Variants in DGKI observed in about 807,000 individuals in gnomAD.
DGKI encodes the protein diacylglycerol kinase iota.
Under a neutral mutation model 147.5 loss-of-function variants are expected in DGKI, and 55 were observed. That is an observed-to-expected ratio of 0.37 (90% CI 0.30 to 0.47). The LOEUF is 0.47. Among genes scored for constraint, DGKI ranks in the 20% least tolerant of loss-of-function variants. DGKI has a pLI of 1.00. For missense variants in DGKI, 1,007 were observed against 1,323.8 expected, an observed-to-expected ratio of 0.76 and a Z score of 3.71; for synonymous variants, 469 against 477.1, an observed-to-expected ratio of 0.98 and a Z score of 0.22.
intron 20 of DGKI, among the ~76,000 whole-genome samples, chr7:137,527,140 C>A (rs1369044640): frequency 6.6e-6 from 1 of 152,120 alleles, no homozygotes; most frequent in Non-Finnish European, 1.5e-5. Flanking sequence ...ATTTTGTGAT[C>A]TGAAAATGGG....
intron 21 of DGKI, 136 bp downstream of exon 21, chr7:137,521,730 T>G: frequency 3.0e-6 from 2 of 657,136 alleles, no homozygotes; most frequent in South Asian, 3.5e-5. Context: ...AGCCCACATG[T>G]TACTGTGTTT....
intron 30 of DGKI, among the ~76,000 whole-genome samples, chr7:137,400,578 G>C (rs1310203190): frequency 6.6e-6 from 1 of 152,176 alleles, no homozygotes; most frequent in Non-Finnish European, 1.5e-5. Context: ...TTTCTGACCA[G>C]AGTCACTACC....
At chr7:137,421,564 TCAAAA>T (rs1468634921) in intron 28 of DGKI, among the ~76,000 whole-genome samples, 1 of 152,224 alleles carries the variant, frequency 6.6e-6, no homozygotes, top group Non-Finnish European at 1.5e-5. Context: ...TGCACTCCCT[TCAAAA>T]GCAGTTCGTT....
At position 137,519,799 on chromosome 7, in the gene DGKI, C is replaced by T. The variant is rs73449406; in HGVS notation, c.2248+2067G>A. ...TCCTGAAAAACCACAGTTAGAAGCA[C>T]CATCACCGCATATTAAAAGTAGAAT... On this transcript the variant is annotated intron_variant, in intron 21 of 32. Transcript: ENST00000614521. Among the ~76,000 whole-genome samples the T allele has an allele frequency of 5.0e-3, 764 of 152,094 alleles. 3 individuals carry two copies. The highest frequency in any genetic ancestry group is 0.018 in the African/African-American group (736 of 41,498).
In DGKI at chr7:137,645,518, C is replaced by A; in HGVS notation, c.758G>T (p.Trp253Leu). The change falls in exon 6 of 33, where the codon TGG becomes TTG. Residue 253 changes from tryptophan (W) to leucine (L), a missense_variant. Trp to Leu is a moderately conservative substitution (Grantham distance 61). This residue lies in a region of DGKI where 259 missense variants were observed against 362.5 expected (regional missense o/e 0.71). Coordinates refer to ENST00000614521, the MANE Select transcript of DGKI (RefSeq NM_001321708.2). ...CCCCTCCTGCCGACGCCTGTGCACCCAGTGATGACGTACAAAATTCTGTGG... is the reference window on the plus strand; with the variant it reads ...CCCCTCCTGCCGACGCCTGTGCACCAAGTGATGACGTACAAAATTCTGTGG... The part of the protein sequence containing the change: ...SPRENFVRHH[W>L]VHRRRQEGKC... 1 of 1,612,550 alleles carries A rather than the reference C, an allele frequency of 6.2e-7. No homozygotes were observed. The highest frequency in any genetic ancestry group is 8.5e-7 in the Non-Finnish European group (1 of 1,179,190).
chr7:137,636,434 C>G (rs1421546896), intron 6 of DGKI, among the ~76,000 whole-genome samples: 1 of 152,166 alleles, frequency 6.6e-6, no homozygotes, highest in East Asian at 1.9e-4. Context: ...AAGAGCTGCT[C>G]TAAAAATGTA....
At chr7:137,803,909 A>C (rs762320418) in intron 1 of DGKI, among the ~76,000 whole-genome samples, 3 of 152,176 alleles carry the variant, frequency 2.0e-5, no homozygotes, top group African/African-American at 7.2e-5. Context: ...TAGATTCGTG[A>C]GGTAAATAGT....
At chr7:137,684,191 G>A (rs868069480) in intron 2 of DGKI, among the ~76,000 whole-genome samples, 2 of 152,202 alleles carry the variant, frequency 1.3e-5, no homozygotes, top group Non-Finnish European at 2.9e-5. Context: ...TTAGATTTGT[G>A]CTGTACAATA....
At position 137,447,859 on chromosome 7, in the gene DGKI, A is replaced by C. The variant is rs375233926; in HGVS notation, c.2736-3757T>G. Among the ~76,000 whole-genome samples, 23 of 152,356 alleles carry C rather than the reference A, an allele frequency of 1.5e-4. No homozygotes were observed. The South Asian group carries it at 4.4e-3, about 29-fold the overall frequency. ...TTAAAAGGCAGAGCTCAAGTTAAAGACTATGACTGAAAAACTTCCATGTTA... is the reference window on the plus strand; with the variant it reads ...TTAAAAGGCAGAGCTCAAGTTAAAGCCTATGACTGAAAAACTTCCATGTTA... On this transcript the variant is annotated intron_variant, in intron 27 of 32. Coordinates refer to ENST00000614521, the MANE Select transcript of DGKI (RefSeq NM_001321708.2).
intron 21 of DGKI, among the ~76,000 whole-genome samples, chr7:137,497,062 A>T (rs1032723821): frequency 2.0e-5 from 3 of 152,090 alleles, no homozygotes; most frequent in Non-Finnish European, 4.4e-5. Context: ...AATGCATCTG[A>T]CAAACGTGTA....
At chr7:137,531,225 T>C (rs543942752) in intron 20 of DGKI, among the ~76,000 whole-genome samples, 3 of 152,140 alleles carry the variant, frequency 2.0e-5, no homozygotes, top group Admixed American at 6.6e-5. Context: ...ACTGTTGAGA[T>C]GAAGAAAAAT....
At chr7:137,576,833 T>C (rs1818997430) in intron 17 of DGKI, among the ~76,000 whole-genome samples, 1 of 152,232 alleles carries the variant, frequency 6.6e-6, no homozygotes, top group African/African-American at 2.4e-5. Context: ...TACCGATTTA[T>C]GCTTCAAGAC....
chr7:137,734,880 G>C lies in DGKI; in HGVS notation c.402-44878C>G, dbSNP rs547419490. Among the ~76,000 whole-genome samples the C allele has an allele frequency of 5.9e-5, 9 of 152,220 alleles. No homozygotes were observed. In the South Asian group the frequency reaches 6.2e-4, roughly 11 times the overall value. ...TGACCTTTAAAGTGCCTGGCACAGA[G>C]TGCGTGATCAATAAATATTTGTCAA... On this transcript the variant is annotated intron_variant, in intron 1 of 32. Coordinates refer to ENST00000614521, the MANE Select transcript of DGKI (RefSeq NM_001321708.2).
intron 24 of DGKI, among the ~76,000 whole-genome samples, chr7:137,467,875 T>G (rs1814720303): frequency 6.6e-6 from 1 of 151,650 alleles, no homozygotes; most frequent in Non-Finnish European, 1.5e-5. Context: ...TCCCAGCTAC[T>G]TGGGAGGCTG....
rs1811164842 is a variant in DGKI at position 137,385,914 on chromosome 7, C to A, written c.*5306G>T. Reference sequence around the variant, plus strand: ...TGTCTTTTCTTCTAGATGCCAGCTTCATGAAATCAAGAGTTTTGTCTATTA... The same window carrying A: ...TGTCTTTTCTTCTAGATGCCAGCTTAATGAAATCAAGAGTTTTGTCTATTA... On this transcript the variant is annotated 3_prime_UTR_variant, in exon 33 of 33. Coordinates refer to ENST00000614521, the MANE Select transcript of DGKI (RefSeq NM_001321708.2). 6.6e-6 allele frequency: 1 copy of A among 152,094 alleles called. No homozygotes were observed. Among genetic ancestry groups the A allele is most frequent in the Non-Finnish European group, 1.5e-5 (1 of 68,000 alleles). The allele number at this position is 152,094 out of a possible 1,614,324, so 9.4% of individuals were successfully genotyped here. A position where few individuals can be genotyped will look rare whatever the true frequency, so the allele number is the denominator to read the frequency against.
At chr7:137,433,991 C>A (rs907068387) in intron 28 of DGKI, among the ~76,000 whole-genome samples, 5 of 151,974 alleles carry the variant, frequency 3.3e-5, no homozygotes, top group African/African-American at 9.7e-5. Flanking sequence ...TGGTAGCACA[C>A]ACCTGTAATT....
chr7:137,522,859 T>C (rs1320319582), intron 20 of DGKI, among the ~76,000 whole-genome samples: 1 of 152,142 alleles, frequency 6.6e-6, no homozygotes, highest in Admixed American at 6.6e-5. Context: ...AAATACCTAC[T>C]TGTCTTTCAA....
chr7:137,590,399 G>A (rs3800609), intron 12 of DGKI, among the ~76,000 whole-genome samples: 14,244 of 152,226 alleles, frequency 0.094, 1,789 homozygotes, highest in African/African-American at 0.29. Flanking sequence ...TCTCCCCAGG[G>A]TGGAGCCATA....
chr7:137,453,151 C>G (rs1814043608), intron 27 of DGKI: 1 of 152,192 alleles, frequency 6.6e-6, no homozygotes, highest in Admixed American at 6.5e-5. Flanking sequence ...TGTTGGTAGA[C>G]AAGAATCTTC....
Sources: allele counts gnomAD v4.1 joint callset (sites outside exome capture counted in the v4.1 genomes callset), GRCh38; gene constraint gnomAD v4.1.1; regional missense constraint gnomAD v4.1.1; transcripts MANE v1.5; gene names NCBI Gene and HGNC (gene_info 2026-07-23, HGNC 2026-07-21).